The following HIF1A variants were observed in gnomAD, a reference collection of about 807,000 sequenced individuals.
The protein encoded by HIF1A is hypoxia inducible factor 1 subunit alpha, also known as hypoxia-inducible factor 1-alpha.
In HIF1A, 24 loss-of-function variants were observed where a neutral mutation model predicts 92.7. The ratio of observed to expected loss-of-function variants is 0.26; its 90% CI spans 0.19 to 0.36. The LOEUF (loss-of-function observed/expected upper bound fraction) is 0.36. Among genes scored for constraint, HIF1A ranks in the 10% least tolerant of loss-of-function variants. HIF1A has a pLI of 1.00. For synonymous variants in HIF1A, 319 were observed against 338.7 expected, an observed-to-expected ratio of 0.94 and a Z score of 0.64; for missense variants, 799 against 998.5, an observed-to-expected ratio of 0.80 and a Z score of 2.69.
chr14:61,721,638 A>G lies in HIF1A; in HGVS notation c.356A>G (p.Tyr119Cys). 1 of 1,613,306 alleles carries G rather than the reference A, an allele frequency of 6.2e-7. No homozygotes were observed. Among genetic ancestry groups the G allele is most frequent in the Non-Finnish European group, 8.5e-7 (1 of 1,179,416 alleles). ...TACATTTCTGATAATGTGAACAAAT[A>G]CATGGGATTAACTCAGGTAAAATGC... ...MIYISDNVNK[Y>C]MGLTQFELTG... The change falls in exon 3 of 15, where the codon TAC (tyrosine) becomes TGC (cysteine). Residue 119 changes from tyrosine (Y) to cysteine (C), a missense_variant. Tyr to Cys is a radical substitution (Grantham distance 194). Coordinates refer to ENST00000337138, the MANE Select transcript of HIF1A (RefSeq NM_001530.4).
At chr14:61,705,164 C>T (rs1013372572) in intron 1 of HIF1A, among the ~76,000 whole-genome samples, 5 of 152,088 alleles carry the variant, frequency 3.3e-5, no homozygotes, top group Admixed American at 3.3e-4. Context: ...TTGAGATGTA[C>T]CCAGTGACCT....
intron 8 of HIF1A, among the ~76,000 whole-genome samples, chr14:61,734,700 C>G (rs1274958241): frequency 6.7e-6 from 1 of 148,882 alleles, no homozygotes; most frequent in Non-Finnish European, 1.5e-5. Context: ...CTTCATTTTT[C>G]TGAATTTCAT....
At chr14:61,709,529 AT>A (rs142748429) in intron 1 of HIF1A, among the ~76,000 whole-genome samples, 2,564 of 152,274 alleles carry the variant, frequency 0.017, 109 homozygotes, top group East Asian at 0.14. Context: ...TAAAGTAAGC[AT>A]TTTGGTGAGG....
intron 1 of HIF1A, among the ~76,000 whole-genome samples, chr14:61,700,974 C>G (rs910347508): frequency 2.6e-5 from 4 of 152,144 alleles, no homozygotes; most frequent in African/African-American, 7.2e-5. Context: ...GTAAGTACCT[C>G]TAAAAGGAGA....
chr14:61,728,898 C>A (rs1273473035), intron 6 of HIF1A, among the ~76,000 whole-genome samples: 2 of 151,742 alleles, frequency 1.3e-5, no homozygotes, highest in Non-Finnish European at 2.9e-5. Context: ...TCTTTGCACA[C>A]AAAAATATTT....
chr14:61,731,734 A>T (rs1594879167), intron 6 of HIF1A, among the ~76,000 whole-genome samples: 1 of 152,248 alleles, frequency 6.6e-6, no homozygotes, highest in African/African-American at 2.4e-5. Flanking sequence ...AAATAAGTGT[A>T]AGTGACTACC....
In HIF1A at chr14:61,740,596, A is replaced by G. The variant is rs1455632456; in HGVS notation, c.1628A>G (p.Asp543Gly). ...LELVEKLFAEDTEAKNPFSTQ... is the reference protein window; with the variant it reads ...LELVEKLFAEGTEAKNPFSTQ... Reference sequence around the variant, plus strand: ...TTGGTAGAAAAACTTTTTGCTGAAGACACAGAAGCAAAGAACCCATTTTCT... The same window carrying G: ...TTGGTAGAAAAACTTTTTGCTGAAGGCACAGAAGCAAAGAACCCATTTTCT... Residue 543 changes from aspartate to glycine, a missense_variant, in exon 11 of 15, where the codon GAC (aspartate) becomes GGC (glycine). Asp to Gly is a moderately conservative substitution (Grantham distance 94). Around this residue, in one of 2 missense-constraint regions of HIF1A, gnomAD observed 516 missense variants for 721.0 expected, o/e 0.72. Transcript: ENST00000337138. The G allele has an allele frequency of 1.9e-6, 3 of 1,608,790 alleles. No individual in the cohort carries two copies. In the African/African-American group the frequency reaches 4.0e-5, roughly 22 times the overall value.
chr14:61,735,333 C>T (rs536620717), intron 8 of HIF1A, among the ~76,000 whole-genome samples: 2 of 152,226 alleles, frequency 1.3e-5, no homozygotes, highest in Admixed American at 1.3e-4. Context: ...ATTTTTGCTA[C>T]TTCTGACACC....
intron 1 of HIF1A, among the ~76,000 whole-genome samples, chr14:61,701,246 T>C (rs1232129684): frequency 6.6e-6 from 1 of 152,232 alleles, no homozygotes; most frequent in East Asian, 1.9e-4. Context: ...CTTAACCGGT[T>C]ACAGTTTTAA....
chr14:61,705,488 C>T (rs1056963740), intron 1 of HIF1A, among the ~76,000 whole-genome samples: 7 of 152,048 alleles, frequency 4.6e-5, no homozygotes, highest in East Asian at 1.9e-4. Flanking sequence ...TTACCAAATC[C>T]GCCTTTTGTT....
chr14:61,723,324 T>C (rs1056874029), intron 4 of HIF1A, among the ~76,000 whole-genome samples: 1 of 152,216 alleles, frequency 6.6e-6, no homozygotes, highest in African/African-American at 2.4e-5. Context: ...TTAGACAATT[T>C]CTATTTTACT....
At position 61,695,626 on chromosome 14, in the gene HIF1A, C is replaced by T. The variant is rs1298355210; in HGVS notation, c.-179C>T. On this transcript the variant is annotated 5_prime_UTR_variant, in exon 1 of 15. Coordinates refer to ENST00000337138, the MANE Select transcript of HIF1A (RefSeq NM_001530.4). ...ACCTGAGGAGAGGCTCGGAGCCGGG[C>T]CCGGACCCCGGCGATTGCCGCCCGC... 1.5e-5 allele frequency: 10 copies of T among 659,248 alleles called. No individual in the cohort carries two copies. Among genetic ancestry groups the T allele is most frequent in the Non-Finnish European group, 2.6e-6 (1 of 389,438 alleles). 40.8% of individuals were successfully genotyped at this position (659,248 alleles called of 1,614,324 possible). A position where few individuals can be genotyped will look rare whatever the true frequency, so the allele number is the denominator to read the frequency against.
chr14:61,699,357 T>C (rs902589836), intron 1 of HIF1A, among the ~76,000 whole-genome samples: 3 of 152,246 alleles, frequency 2.0e-5, no homozygotes, highest in African/African-American at 7.2e-5. Flanking sequence ...GTGACTCTAA[T>C]GGTGTCACGG....
intron 6 of HIF1A, among the ~76,000 whole-genome samples, chr14:61,730,787 GGGCACACATA>G (rs1566572219): frequency 6.6e-6 from 1 of 152,054 alleles, no homozygotes; most frequent in African/African-American, 2.4e-5. Context: ...GAATAATGCC[GGGCACACATA>G]GGCATATTAA....
intron 8 of HIF1A, among the ~76,000 whole-genome samples, chr14:61,736,631 A>C (rs937178229): frequency 3.3e-5 from 5 of 152,206 alleles, no homozygotes; most frequent in Admixed American, 2.0e-4. Context: ...CTCTGGATGC[A>C]TCCATGTTGC....
In HIF1A at chr14:61,721,522, T is replaced by C. The variant is rs766130245; in HGVS notation, c.240T>C (p.Ile80=). The C allele has an allele frequency of 6.2e-7, 1 of 1,613,098 alleles. No individual in the cohort carries two copies. The highest frequency in any genetic ancestry group is 1.1e-5 in the South Asian group (1 of 91,020). The change falls in exon 3 of 15, where the codon ATT becomes ATC. Residue 80 remains isoleucine (I), a synonymous_variant. Coordinates refer to ENST00000337138, the MANE Select transcript of HIF1A (RefSeq NM_001530.4). ...TGCCCTTTTTAGGTGATTTGGATAT[T>C]GAAGATGACATGAAAGCACAGATGA... is the stretch of plus-strand genomic sequence containing the variant. ...RKLLDAGDLD[I]EDDMKAQMNC...
In HIF1A at chr14:61,738,292, G is replaced by A. The variant is rs2044664043; in HGVS notation, c.1455G>A (p.Leu485=). 1.2e-6 allele frequency: 2 copies of A among 1,614,068 alleles called. No individual in the cohort carries two copies. The highest frequency in any genetic ancestry group is 4.5e-5 in the East Asian group (2 of 44,880). Residue 485 remains leucine (L), a synonymous_variant, in exon 10 of 15, where the codon CTG becomes CTA. Transcript: ENST00000337138. ...ALKLEPNPES[L]ELSFTMPQIQ... ...AATTAGAACCAAATCCAGAGTCACT[G>A]GAACTTTCTTTTACCATGCCCCAGA...
chr14:61,696,610 A>G (rs2044119819), intron 1 of HIF1A, among the ~76,000 whole-genome samples: 1 of 152,220 alleles, frequency 6.6e-6, no homozygotes, highest in African/African-American at 2.4e-5. Context: ...ACTTGAGTTC[A>G]TATCACCTGT....
chr14:61,697,372 G>A (rs1270483689), intron 1 of HIF1A, among the ~76,000 whole-genome samples: 1 of 152,098 alleles, frequency 6.6e-6, no homozygotes, highest in African/African-American at 2.4e-5. Flanking sequence ...GTAAACCTAA[G>A]GCAGATTACC....
Sources: gnomAD v4.1 joint callset for allele counts (sites outside exome capture counted in the v4.1 genomes callset) on GRCh38, gnomAD v4.1.1 for gene constraint, gnomAD v4.1.1 regional missense constraint, MANE v1.5 for transcripts, NCBI Gene and HGNC (gene_info 2026-07-23, HGNC 2026-07-21) for gene names.